Variants in B3GALNT2 observed in about 807,000 individuals in gnomAD.
B3GALNT2 encodes the protein UDP-GalNAc:beta-1,3-N-acetylgalactosaminyltransferase 2.
A neutral mutation model predicts 61.1 loss-of-function variants in B3GALNT2; 53 were observed. The observed-to-expected ratio is 0.87, with a 90% CI of 0.70 to 1.09. The LOEUF is 1.09. B3GALNT2 is among the 50% of genes least tolerant of loss of function. B3GALNT2 has a pLI of 0.00. For missense variants in B3GALNT2, 544 were observed against 623.0 expected, an observed-to-expected ratio of 0.87 and a Z score of 1.35; for synonymous variants, 223 against 237.4, an observed-to-expected ratio of 0.94 and a Z score of 0.56.
At chr1:235,499,934 A>G (rs1432125016) in intron 1 of B3GALNT2, among the ~76,000 whole-genome samples, 1 of 152,098 alleles carries the variant, frequency 6.6e-6, no homozygotes, top group Admixed American at 6.6e-5. Context: ...GGGGCTAGTT[A>G]GAGTAATATG....
intron 5 of B3GALNT2, 141 bp from the exon 6 acceptor site, chr1:235,471,101 C>A: frequency 7.0e-7 from 1 of 1,432,014 alleles, no homozygotes; most frequent in Non-Finnish European, 9.2e-7. Context: ...TCTGACATAC[C>A]ACTGTTAGCG....
At chr1:235,481,249 C>T (rs1235567311) in intron 4 of B3GALNT2, among the ~76,000 whole-genome samples, 6 of 152,166 alleles carry the variant, frequency 3.9e-5, no homozygotes, top group African/African-American at 1.4e-4. Flanking sequence ...TTAACTCCTC[C>T]CTGGTTAAAA....
intron 1 of B3GALNT2, among the ~76,000 whole-genome samples, chr1:235,503,573 T>C (rs892021602): frequency 6.6e-6 from 1 of 152,256 alleles, no homozygotes; most frequent in Non-Finnish European, 1.5e-5. Flanking sequence ...CCCTATTTCA[T>C]GTCTAGATTT....
At chr1:235,447,017 ATG>A (rs1377878602), downstream of B3GALNT2, among the ~76,000 whole-genome samples, 2 of 152,108 alleles carry the variant, frequency 1.3e-5, no homozygotes, top group Non-Finnish European at 2.9e-5. Flanking sequence ...TGTTTCTGGC[ATG>A]TGTTAGGAGT....
chr1:235,478,085 C>G (rs920818561), intron 5 of B3GALNT2, among the ~76,000 whole-genome samples: 2 of 152,056 alleles, frequency 1.3e-5, no homozygotes, highest in Non-Finnish European at 2.9e-5. Context: ...GAGATGGCGT[C>G]TCTCTGTGGC....
rs1489832490 is a variant in B3GALNT2 at position 235,477,137 on chromosome 1, A to C, written c.651+2917T>G. Among the ~76,000 whole-genome samples, 3 of 152,176 alleles carry C rather than the reference A, an allele frequency of 2.0e-5. No individual in the cohort carries two copies. In the East Asian group the frequency reaches 5.8e-4, roughly 29 times the overall value. On this transcript the variant is annotated intron_variant, in intron 5 of 11. Transcript: ENST00000366600. ...TCCCATCATTAGTACCCACTGCCAGATATACCATCCTGAACACAAGCAAGG... is the reference window on the plus strand; with the variant it reads ...TCCCATCATTAGTACCCACTGCCAGCTATACCATCCTGAACACAAGCAAGG...
chr1:235,440,752 G>A, the B3GALNT2 span: 2 of 152,176 alleles, frequency 1.3e-5, no homozygotes, highest in African/African-American at 4.8e-5. Context: ...AAGTTCGTAT[G>A]AGTGTAGTTC....
chr1:235,486,173 C>G (rs937804807), intron 3 of B3GALNT2, among the ~76,000 whole-genome samples: 1 of 152,098 alleles, frequency 6.6e-6, no homozygotes, highest in Non-Finnish European at 1.5e-5. Flanking sequence ...TCTTTACACT[C>G]AGTAGATATT....
chr1:235,470,473 C>A (rs1035879861), intron 6 of B3GALNT2, among the ~76,000 whole-genome samples: 5 of 151,288 alleles, frequency 3.3e-5, no homozygotes, highest in Non-Finnish European at 7.4e-5. Context: ...GCACCTGTAG[C>A]CCCAGCTACA....
intron 10 of B3GALNT2, 146 bp from the exon 11 acceptor site, chr1:235,453,292 A>G: frequency 1.3e-6 from 1 of 767,828 alleles, no homozygotes; most frequent in South Asian, 1.9e-5. Context: ...AAATGGGTTC[A>G]CATGAAGTCA....
downstream of B3GALNT2, among the ~76,000 whole-genome samples, chr1:235,444,153 A>G (rs1230167684): frequency 6.6e-6 from 1 of 152,240 alleles, no homozygotes; most frequent in African/African-American, 2.4e-5. Context: ...TATTGCTTAT[A>G]GAAGGCCTTA....
chr1:235,475,551 C>T (rs933404827), intron 5 of B3GALNT2, among the ~76,000 whole-genome samples: 2 of 152,072 alleles, frequency 1.3e-5, no homozygotes, highest in African/African-American at 4.8e-5. Flanking sequence ...TGATGATATG[C>T]CAGCAAACAA....
chr1:235,475,665 CAGGAGAGAATTTTTTTAATTGCTA>C (rs1684243054), intron 5 of B3GALNT2, among the ~76,000 whole-genome samples: 2 of 152,100 alleles, frequency 1.3e-5, no homozygotes, highest in African/African-American at 4.8e-5. Context: ...TTTTGTACAA[CAGGAGAGAATTTTTTTAATTGCTA>C]AAAGTTTATT....
At chr1:235,467,684 TGGC>T (rs1683774677) in intron 6 of B3GALNT2, among the ~76,000 whole-genome samples, 2 of 151,548 alleles carry the variant, frequency 1.3e-5, no homozygotes, top group African/African-American at 4.9e-5. Flanking sequence ...TTCACCATGT[TGGC>T]CAGGCTGGTC....
intron 5 of B3GALNT2, among the ~76,000 whole-genome samples, chr1:235,475,122 C>T (rs901678798): frequency 2.0e-5 from 3 of 149,006 alleles, no homozygotes; most frequent in Non-Finnish European, 4.5e-5. Flanking sequence ...CCTCAGCCTT[C>T]TGGTAGCTGG....
intron 1 of B3GALNT2, among the ~76,000 whole-genome samples, chr1:235,501,485 C>A (rs1685579214): frequency 6.6e-6 from 1 of 152,176 alleles, no homozygotes; most frequent in Non-Finnish European, 1.5e-5. Context: ...CTATACTTAT[C>A]ACTACCGCTG....
In B3GALNT2 at chr1:235,448,941, G is replaced by C; in HGVS notation, c.*1265C>G. ...ACCATTTCTAGGCTTATACATAATAGCAATAATAAAGGCTTTGAACCTACT... is the reference window on the plus strand; with the variant it reads ...ACCATTTCTAGGCTTATACATAATACCAATAATAAAGGCTTTGAACCTACT... On this transcript the variant is annotated 3_prime_UTR_variant, in exon 12 of 12. Coordinates refer to ENST00000366600, the MANE Select transcript of B3GALNT2 (RefSeq NM_152490.5). 1 of 570,582 alleles carries C rather than the reference G, an allele frequency of 1.8e-6. No homozygotes were observed. The highest frequency in any genetic ancestry group is 3.2e-6 in the Non-Finnish European group (1 of 316,382). 35.3% of individuals were successfully genotyped at this position (570,582 alleles called of 1,614,324 possible).
intron 3 of B3GALNT2, among the ~76,000 whole-genome samples, chr1:235,488,533 T>C (rs1684909076): frequency 6.6e-6 from 1 of 150,962 alleles, no homozygotes; most frequent in South Asian, 2.1e-4. Flanking sequence ...AATACACAAA[T>C]TAGCCAGGCG....
chr1:235,477,748 G>A (rs780159581), intron 5 of B3GALNT2, among the ~76,000 whole-genome samples: 7 of 152,178 alleles, frequency 4.6e-5, no homozygotes, highest in African/African-American at 7.2e-5. Flanking sequence ...TGCTCTGTGC[G>A]CGGAGGGCAA....
Sources: gnomAD v4.1 joint callset for allele counts (sites outside exome capture counted in the v4.1 genomes callset) on GRCh38, gnomAD v4.1.1 for gene constraint, MANE v1.5 for transcripts, NCBI Gene and HGNC (gene_info 2026-07-23, HGNC 2026-07-21) for gene names.